Variants in AKR1B1 observed in about 807,000 individuals in gnomAD.
AKR1B1 encodes aldo-keto reductase family 1 member B.
AKR1B1 carries 22 observed loss-of-function variants against 40.4 expected under a neutral mutation model. That is an observed-to-expected ratio of 0.54 (90% CI 0.39 to 0.78). The LOEUF (loss-of-function observed/expected upper bound fraction) is 0.78. AKR1B1 is among the 30% of genes least tolerant of loss of function. The pLI, the probability that AKR1B1 is intolerant of heterozygous loss-of-function variation, is 0.00. For missense variants in AKR1B1, 357 were observed against 396.7 expected, an observed-to-expected ratio of 0.90 and a Z score of 0.85; for synonymous variants, 157 against 149.9, an observed-to-expected ratio of 1.05 and a Z score of -0.35.
chr7:134,446,298 C>T (rs1478827391), intron 8 of AKR1B1, among the ~76,000 whole-genome samples: 1 of 152,208 alleles, frequency 6.6e-6, no homozygotes, highest in Non-Finnish European at 1.5e-5. Flanking sequence ...GTCTCCTCTC[C>T]TAAACAATGA....
rs764730821 is a variant in AKR1B1 at position 134,442,712 on chromosome 7, G to C, written c.*16C>G. 6.2e-7 allele frequency: 1 copy of C among 1,613,782 alleles called. No homozygotes were observed. Among genetic ancestry groups the C allele is most frequent in the South Asian group, 1.1e-5 (1 of 91,050 alleles). On this transcript the variant is annotated 3_prime_UTR_variant, in exon 10 of 10. Transcript: ENST00000285930. Reference sequence around the variant, plus strand: ...ACAGGTATAGGTCACTTGGGGACGAGCAGGCAACCACAGCTTCAAAACTCT... The same window carrying C: ...ACAGGTATAGGTCACTTGGGGACGACCAGGCAACCACAGCTTCAAAACTCT...
At chr7:134,457,208 T>C (rs1373075182) in intron 1 of AKR1B1, among the ~76,000 whole-genome samples, 2 of 152,098 alleles carry the variant, frequency 1.3e-5, no homozygotes, top group Non-Finnish European at 2.9e-5. Flanking sequence ...GTCACAAAAC[T>C]AGCTTCTGGA....
At chr7:134,453,909 TG>T (rs1806380620) in intron 1 of AKR1B1, among the ~76,000 whole-genome samples, 1 of 152,172 alleles carries the variant, frequency 6.6e-6, no homozygotes, top group Non-Finnish European at 1.5e-5. Flanking sequence ...ACTTAAGCTA[TG>T]GTGAGAAACC....
At chr7:134,455,274 G>GTA (rs1806433947) in intron 1 of AKR1B1, among the ~76,000 whole-genome samples, 2 of 152,136 alleles carry the variant, frequency 1.3e-5, no homozygotes, top group African/African-American at 4.8e-5. Flanking sequence ...CTGGCCATAA[G>GTA]CAGAAGTACA....
intron 1 of AKR1B1, among the ~76,000 whole-genome samples, chr7:134,455,330 A>G (rs756735731): frequency 7.4e-5 from 11 of 149,542 alleles, no homozygotes; most frequent in Non-Finnish European, 1.0e-4. Context: ...AAATTAGGGG[A>G]AAAAAAAGTC....
intron 8 of AKR1B1, 109 bp from the exon 9 acceptor site, chr7:134,445,429 A>T: frequency 1.1e-6 from 1 of 890,652 alleles, no homozygotes. Flanking sequence ...AGGAGCGATA[A>T]GATAAACTGA....
rs771414108 is a variant in AKR1B1 at position 134,445,425 on chromosome 7, G to A, written c.826-105C>T. ...TCCATGGCTTTGAGCAGAGAGGAGC[G>A]ATAAGATAAACTGAACTTAGGAAAA... On this transcript the variant is annotated intron_variant, in intron 8 of 9. Coordinates refer to ENST00000285930, the MANE Select transcript of AKR1B1 (RefSeq NM_001628.4). The A allele has an allele frequency of 3.7e-4, 347 of 931,386 alleles. 1 individual carries two copies. Among genetic ancestry groups the A allele is most frequent in the Admixed American group, 7.4e-4 (37 of 49,904 alleles). 57.7% of individuals were successfully genotyped at this position (931,386 alleles called of 1,614,324 possible).
At chr7:134,447,680 C>T in intron 7 of AKR1B1, 1 of 610,368 alleles carries the variant, frequency 1.6e-6, no homozygotes, top group African/African-American at 1.8e-5. Context: ...GGAGAAAGAA[C>T]ATTCCCTGCA....
chr7:134,457,725 G>A (rs1806514408), intron 1 of AKR1B1, among the ~76,000 whole-genome samples: 1 of 152,142 alleles, frequency 6.6e-6, no homozygotes, highest in African/African-American at 2.4e-5. Flanking sequence ...AACCTGGGAC[G>A]TGGGCCTGCC....
intron 9 of AKR1B1, chr7:134,445,026 T>C: frequency 1.6e-6 from 1 of 640,010 alleles, no homozygotes; most frequent in Admixed American, 2.4e-5. Flanking sequence ...GCCCCAGGGC[T>C]GGAAGAAGAT....
At chr7:134,450,237 A>G (rs1364044106) in intron 3 of AKR1B1, among the ~76,000 whole-genome samples, 4 of 152,224 alleles carry the variant, frequency 2.6e-5, no homozygotes, top group Middle Eastern at 3.2e-3. Context: ...AGCTAAACCC[A>G]CACTTTGAAC....
At chr7:134,443,020 T>C (rs1332866316) in intron 9 of AKR1B1, among the ~76,000 whole-genome samples, 2 of 152,228 alleles carry the variant, frequency 1.3e-5, no homozygotes, top group African/African-American at 4.8e-5. Flanking sequence ...TGCCCAGCAC[T>C]GTGCCTGGGC....
Position 134,442,503 on chromosome 7 carries a change from T to C in AKR1B1, c.*225A>G, listed in dbSNP as rs1805967134. 1 of 531,186 alleles carries C rather than the reference T, an allele frequency of 1.9e-6. No homozygotes were observed. The highest frequency in any genetic ancestry group is 2.4e-5 in the South Asian group (1 of 41,980). The allele number at this position is 531,186 out of a possible 1,614,324, so 32.9% of individuals were successfully genotyped here. A position where few individuals can be genotyped will look rare whatever the true frequency, so the allele number is the denominator to read the frequency against. ...TCAGAAAAGGGTATTCAGGTTGTAC[T>C]TTCCCCAGCAGGGTAGAAAGAAGGG... On this transcript the variant is annotated 3_prime_UTR_variant, in exon 10 of 10. Coordinates refer to ENST00000285930, the MANE Select transcript of AKR1B1 (RefSeq NM_001628.4).
In AKR1B1 at chr7:134,447,638, C is replaced by T. The variant is rs574010766; in HGVS notation, c.742-257G>A. On this transcript the variant is annotated intron_variant, in intron 7 of 9. Coordinates refer to ENST00000285930, the MANE Select transcript of AKR1B1 (RefSeq NM_001628.4). The stretch of plus-strand genomic sequence containing the variant: ...GCATATCATGAGACCACATGAGGCC[C>T]TCCACTGGCTAGAAATGCACACTAC... 1.9e-5 allele frequency: 12 copies of T among 621,154 alleles called. No individual in the cohort carries two copies. In the African/African-American group the frequency reaches 2.0e-4, roughly 10 times the overall value. The allele number at this position is 621,154 out of a possible 1,614,324, so 38.5% of individuals were successfully genotyped here.
At chr7:134,457,796 T>C (rs1348716974) in intron 1 of AKR1B1, among the ~76,000 whole-genome samples, 4 of 152,050 alleles carry the variant, frequency 2.6e-5, no homozygotes, top group Non-Finnish European at 5.9e-5. Flanking sequence ...AGCCCAGGAA[T>C]TGGAGATCAC....
chr7:134,455,702 G>A (rs954511244), intron 1 of AKR1B1, among the ~76,000 whole-genome samples: 5 of 152,180 alleles, frequency 3.3e-5, no homozygotes, highest in Admixed American at 2.0e-4. Flanking sequence ...TCCTGCCTCA[G>A]CCTCCCAAGC....
At position 134,448,987 on chromosome 7, in the gene AKR1B1, G is replaced by C; in HGVS notation, c.552+10C>G. The stretch of plus-strand genomic sequence containing the variant: ...ACGTTGCAATGCCAGTGTCGTTGGG[G>C]GATGTTTACCTGGTTAACTGCAGGC... On this transcript the variant is annotated intron_variant, in intron 5 of 9. Transcript: ENST00000285930. 6.2e-7 allele frequency: 1 copy of C among 1,614,014 alleles called. No individual in the cohort carries two copies. The highest frequency in any genetic ancestry group is 1.1e-5 in the South Asian group (1 of 91,066).
In AKR1B1 at chr7:134,442,675, G is replaced by A. The variant is rs915003451; in HGVS notation, c.*53C>T. On this transcript the variant is annotated 3_prime_UTR_variant, in exon 10 of 10. Coordinates refer to ENST00000285930, the MANE Select transcript of AKR1B1 (RefSeq NM_001628.4). ...ATACTACATTTGCAAGGAAAAAAAT[G>A]AGGCAAGAAACACAGGTATAGGTCA... is the stretch of plus-strand genomic sequence containing the variant. 1 of 1,589,410 alleles carries A rather than the reference G, an allele frequency of 6.3e-7. No individual in the cohort carries two copies. Among genetic ancestry groups the A allele is most frequent in the Admixed American group, 1.7e-5 (1 of 59,846 alleles).
intron 1 of AKR1B1, among the ~76,000 whole-genome samples, chr7:134,458,390 C>T (rs547222238): frequency 1.3e-5 from 2 of 152,230 alleles, no homozygotes; most frequent in African/African-American, 4.8e-5. Context: ...CGAGGAGCTC[C>T]GCACTGCGCC....
Sources: gnomAD v4.1 joint callset for allele counts (sites outside exome capture counted in the v4.1 genomes callset) on GRCh38, gnomAD v4.1.1 for gene constraint, MANE v1.5 for transcripts, NCBI Gene and HGNC (gene_info 2026-07-23, HGNC 2026-07-21) for gene names.